The following TCP10L variants were observed in gnomAD, a reference collection of about 807,000 sequenced individuals.
TCP10L encodes the protein t-complex 10 like.
TCP10L carries 11 observed loss-of-function variants against 19.2 expected under a neutral mutation model. That is an observed-to-expected ratio of 0.57 (90% CI 0.36 to 0.95). The LOEUF is 0.95. TCP10L is among the 40% of genes least tolerant of loss of function. TCP10L has a pLI of 0.01. For missense variants in TCP10L, 247 were observed against 263.9 expected (o/e 0.94, Z 0.44); for synonymous variants, 96 against 97.2 (o/e 0.99, Z 0.07).
In TCP10L at chr21:32,576,223, G is replaced by A; in HGVS notation, c.*551C>T. 2 of 1,518,318 alleles carry A rather than the reference G, an allele frequency of 1.3e-6. No individual in the cohort carries two copies. Among genetic ancestry groups the A allele is most frequent in the Non-Finnish European group, 1.8e-6 (2 of 1,109,014 alleles). The allele number at this position is 1,518,318 out of a possible 1,614,324, so 94.1% of individuals were successfully genotyped here. ...CCAACTCTGCTCACCAGCTCCTCCG[G>A]CTGCTGCCATCTGCTCCTGCAGCAT... On this transcript the variant is annotated 3_prime_UTR_variant, in exon 5 of 5. Coordinates refer to ENST00000300258, the MANE Select transcript of TCP10L (RefSeq NM_144659.7).
chr21:32,581,674 T>C (rs2038496567), intron 3 of TCP10L, among the ~76,000 whole-genome samples: 1 of 152,152 alleles, frequency 6.6e-6, no homozygotes, highest in Non-Finnish European at 1.5e-5. Flanking sequence ...AAGGGAACTT[T>C]TCCCGTTTCA....
Position 32,574,356 on chromosome 21 carries a change from C to T in TCP10L, c.*2418G>A, listed in dbSNP as rs2038407672. On this transcript the variant is annotated 3_prime_UTR_variant, in exon 5 of 5. Coordinates refer to ENST00000300258, the MANE Select transcript of TCP10L (RefSeq NM_144659.7). ...TTGACTATGTGCTAAATGCAACCAA[C>T]TTAAATCTATAAAAGAAAGTCTCTG... Among the ~76,000 whole-genome samples, 1 of 152,198 alleles carries T rather than the reference C, an allele frequency of 6.6e-6. No homozygotes were observed.
At chr21:32,585,388 C>G in intron 1 of TCP10L, 33 bp downstream of exon 1, 1 of 174,748 alleles carries the variant, frequency 5.7e-6, no homozygotes, top group Non-Finnish European at 1.2e-5. Context: ...AGACCCTTTC[C>G]TTCAGCCCCA....
chr21:32,583,475 G>T (rs1327344997), intron 2 of TCP10L, among the ~76,000 whole-genome samples: 1 of 150,568 alleles, frequency 6.6e-6, no homozygotes, highest in Admixed American at 6.6e-5. Flanking sequence ...TGTAGTCCCA[G>T]CTACGTGGGA....
chr21:32,583,979 A>C (rs2038528167), intron 2 of TCP10L, among the ~76,000 whole-genome samples, 182 bp downstream of exon 2: 1 of 152,160 alleles, frequency 6.6e-6, no homozygotes, highest in African/African-American at 2.4e-5. Flanking sequence ...ATCCACCAAG[A>C]GATACGGTTG....
At chr21:32,583,182 A>G (rs1394490424) in intron 2 of TCP10L, among the ~76,000 whole-genome samples, 3 of 151,442 alleles carry the variant, frequency 2.0e-5, no homozygotes, top group Non-Finnish European at 2.9e-5. Flanking sequence ...TTACAGGCAC[A>G]TGCCACCACA....
chr21:32,576,799 C>T lies in TCP10L; in HGVS notation c.623G>A (p.Cys208Tyr). ...RATPTGRPTPCAERRGGV is the reference protein window; with the variant it reads ...RATPTGRPTPYAERRGGV ...TCAGACACCCCCCCGTCTCTCTGCA[C>T]AGGGAGTTGGCCTTCCAGTAGGTGT... Residue 208 changes from cysteine to tyrosine, a missense_variant, in exon 5 of 5, where the codon TGT becomes TAT. Transcript: ENST00000300258. 1 of 1,614,024 alleles carries T rather than the reference C, an allele frequency of 6.2e-7. No individual in the cohort carries two copies. Among genetic ancestry groups the T allele is most frequent in the Non-Finnish European group, 8.5e-7 (1 of 1,179,986 alleles).
At chr21:32,584,882 G>T (rs979986870) in intron 1 of TCP10L, among the ~76,000 whole-genome samples, 2 of 152,166 alleles carry the variant, frequency 1.3e-5, no homozygotes, top group African/African-American at 4.8e-5. Flanking sequence ...TGAATTCATG[G>T]TGAAGATGTG....
rs2038507900 is a variant in TCP10L at position 32,582,574 on chromosome 21, C to CTTCTGTCT, written c.145-160_145-159insAGACAGAA. Reference sequence around the variant, plus strand: ...CAGGACTACCACAGCCTTTTTCTTTCTTCTTTCTTTCCTTTCTTTCTTTCT... The same window carrying CTTCTGTCT: ...CAGGACTACCACAGCCTTTTTCTTTCTTCTGTCTTTCTTTCTTTCCTTTCTTTCTTTCT... On this transcript the variant is annotated intron_variant, in intron 2 of 4. Coordinates refer to ENST00000300258, the MANE Select transcript of TCP10L (RefSeq NM_144659.7). This position sits in a 1 kb window ranked among gnomAD's most constrained non-coding sequence, Gnocchi z 4.2. 1 of 603,302 alleles carries CTTCTGTCT rather than the reference C, an allele frequency of 1.7e-6. No homozygotes were observed. The highest frequency in any genetic ancestry group is 2.8e-6 in the Non-Finnish European group (1 of 357,222). 37.4% of individuals were successfully genotyped at this position (603,302 alleles called of 1,614,324 possible). A position where few individuals can be genotyped will look rare whatever the true frequency, so the allele number is the denominator to read the frequency against.
In TCP10L at chr21:32,584,301, G is replaced by C. The variant is rs1373126525; in HGVS notation, c.4C>G (p.Leu2Val). Reference protein sequence around the residue: MLAGQLEARDPK... With the variant: MVAGQLEARDPK... ...TCCCTGGCCTCGAGTTGACCTGCCA[G>C]CATCCTGGTTGGGAAGGGAAGGGCT... The change falls in exon 2 of 5, where the codon CTG (leucine) becomes GTG (valine). Residue 2 changes from leucine (L) to valine (V), a missense_variant. Transcript: ENST00000300258. 7 of 1,613,186 alleles carry C rather than the reference G, an allele frequency of 4.3e-6. No homozygotes were observed. Among genetic ancestry groups the C allele is most frequent in the African/African-American group, 2.7e-5 (2 of 74,904 alleles).
In TCP10L at chr21:32,576,063, G is replaced by A. The variant is rs2833908; in HGVS notation, c.*711C>T. ...CAAGTCTCACAGGTGAGGACCCAACGAGGGAATCAGACAAAAAGTGGCCAC... is the reference window on the plus strand; with the variant it reads ...CAAGTCTCACAGGTGAGGACCCAACAAGGGAATCAGACAAAAAGTGGCCAC... On this transcript the variant is annotated 3_prime_UTR_variant, in exon 5 of 5. Transcript: ENST00000300258. The A allele has an allele frequency of 2.5e-5, 12 of 472,160 alleles. No individual in the cohort carries two copies. Among genetic ancestry groups the A allele is most frequent in the East Asian group, 2.1e-4 (6 of 28,018 alleles). 29.2% of individuals were successfully genotyped at this position (472,160 alleles called of 1,614,324 possible).
In TCP10L at chr21:32,582,768, T is replaced by C. The variant is rs1167607966; in HGVS notation, c.145-353A>G. ...CCACCATACTTCGCTAATTTTTGTA[T>C]TTTTACTCGGGATGGGGGTTCACCA... On this transcript the variant is annotated intron_variant, in intron 2 of 4. Coordinates refer to ENST00000300258, the MANE Select transcript of TCP10L (RefSeq NM_144659.7). The surrounding 1 kb of genome is among the most constrained non-coding windows in gnomAD (Gnocchi z 4.2). Among the ~76,000 whole-genome samples the C allele has an allele frequency of 6.6e-6, 1 of 151,972 alleles. No individual in the cohort carries two copies.
Position 32,578,389 on chromosome 21 carries a change from C to T in TCP10L, c.498+305G>A, listed in dbSNP as rs1041619685. On this transcript the variant is annotated intron_variant, in intron 4 of 4. Coordinates refer to ENST00000300258, the MANE Select transcript of TCP10L (RefSeq NM_144659.7). This position sits in a 1 kb window ranked among gnomAD's most constrained non-coding sequence, Gnocchi z 4.2. ...GAGACAGTGCCACACACATCACCTC[C>T]GCAGCCTGCACCCACGGAAACAAAG... Among the ~76,000 whole-genome samples the T allele has an allele frequency of 2.0e-4, 31 of 152,382 alleles. 1 individual carries two copies. The highest frequency in any genetic ancestry group is 3.9e-4 in the East Asian group (2 of 5,190).
In TCP10L at chr21:32,576,889, C is replaced by T. The variant is rs2038441847; in HGVS notation, c.533G>A (p.Trp178Ter). The part of the protein sequence containing the change: ...MSLKIERISS[W>*]KTPPQENRDK... ...TCTATTTTCCTGTGGTGGTGTTTTCCACGAGCTAATTCTTTCTATCTTTAA... is the reference window on the plus strand; with the variant it reads ...TCTATTTTCCTGTGGTGGTGTTTTCTACGAGCTAATTCTTTCTATCTTTAA... Residue 178 changes from tryptophan to a stop codon, truncating the protein, a stop_gained, in exon 5 of 5, where the codon TGG (tryptophan) becomes TAG (stop). Coordinates refer to ENST00000300258, the MANE Select transcript of TCP10L (RefSeq NM_144659.7). LOFTEE classifies it low-confidence loss of function (END_TRUNC). 1 of 1,614,048 alleles carries T rather than the reference C, an allele frequency of 6.2e-7. No homozygotes were observed. Among genetic ancestry groups the T allele is most frequent in the Non-Finnish European group, 8.5e-7 (1 of 1,180,000 alleles).
In TCP10L at chr21:32,576,166, G is replaced by A. The variant is rs1006636923; in HGVS notation, c.*608C>T. ...TCACGCGTATCCACGAGAAAGCCCC[G>A]CATTTCACGGGGAGCATAGAAACAG... On this transcript the variant is annotated 3_prime_UTR_variant, in exon 5 of 5. Transcript: ENST00000300258. 54 of 1,112,776 alleles carry A rather than the reference G, an allele frequency of 4.9e-5. No homozygotes were observed. Among genetic ancestry groups the A allele is most frequent in the South Asian group, 1.9e-4 (13 of 68,318 alleles). The allele number at this position is 1,112,776 out of a possible 1,614,324, so 68.9% of individuals were successfully genotyped here. A position where few individuals can be genotyped will look rare whatever the true frequency, so the allele number is the denominator to read the frequency against.
intron 3 of TCP10L, among the ~76,000 whole-genome samples, chr21:32,580,421 GT>G (rs2038480145): frequency 6.6e-6 from 1 of 150,776 alleles, no homozygotes; most frequent in African/African-American, 2.4e-5. Context: ...TGTTTTTGCT[GT>G]GCTTGGAGAA....
intron 2 of TCP10L, among the ~76,000 whole-genome samples, chr21:32,583,505 C>T (rs1376144405): frequency 2.1e-5 from 3 of 144,790 alleles, no homozygotes; most frequent in African/African-American, 7.7e-5. Context: ...AGGAGAATGG[C>T]GTGAACCCGG....
intron 3 of TCP10L, among the ~76,000 whole-genome samples, chr21:32,581,168 C>T (rs914792987): frequency 1.4e-4 from 22 of 152,204 alleles, no homozygotes; most frequent in East Asian, 1.9e-4. Context: ...ACACAGCAGA[C>T]GCCAGCAGGC....
At chr21:32,580,307 C>T (rs1024364283) in intron 3 of TCP10L, among the ~76,000 whole-genome samples, 1 of 152,052 alleles carries the variant, frequency 6.6e-6, no homozygotes, top group African/African-American at 2.4e-5. Context: ...GGGGTTTCAC[C>T]GTGTTAGCCA....
Sources: allele counts gnomAD v4.1 joint callset (sites outside exome capture counted in the v4.1 genomes callset), GRCh38; gene constraint gnomAD v4.1.1; non-coding constraint Gnocchi (gnomAD v3.1); transcripts MANE v1.5; gene names NCBI Gene and HGNC (gene_info 2026-07-23, HGNC 2026-07-21).